SHISA6: variants seen among roughly 807,000 people sequenced by gnomAD.
SHISA6 encodes the protein protein shisa-6.
Under a neutral mutation model 47.9 loss-of-function variants are expected in SHISA6, and 22 were observed. The observed-to-expected ratio is 0.46, with a 90% CI of 0.33 to 0.66. The LOEUF (loss-of-function observed/expected upper bound fraction) is 0.66. Ranked by LOEUF, SHISA6 falls within the 30% of genes least tolerant of loss-of-function variation. The pLI, the probability that SHISA6 is intolerant of heterozygous loss-of-function variation, is 0.02. For missense variants in SHISA6, 680 were observed against 764.6 expected, an observed-to-expected ratio of 0.89 and a Z score of 1.30; for synonymous variants, 388 against 337.8, an observed-to-expected ratio of 1.15 and a Z score of -1.63.
chr17:11,256,503 A>C (rs1908012817), intron 1 of SHISA6, among the ~76,000 whole-genome samples: 1 of 152,150 alleles, frequency 6.6e-6, no homozygotes, highest in African/African-American at 2.4e-5. Context: ...CTCAAAAAAC[A>C]AAACAAAACA....
chr17:11,300,476 G>A (rs1909888067), intron 2 of SHISA6, among the ~76,000 whole-genome samples: 1 of 152,114 alleles, frequency 6.6e-6, no homozygotes, highest in Admixed American at 6.5e-5. Context: ...AGCCCTGTCA[G>A]TTGACCCGAA....
intron 3 of SHISA6, among the ~76,000 whole-genome samples, chr17:11,401,464 G>C (rs1913770194): frequency 6.6e-6 from 1 of 152,202 alleles, no homozygotes; most frequent in Non-Finnish European, 1.5e-5. Context: ...CTCCTAAAAT[G>C]CTGAGATTAT....
rs149046061 is a variant in SHISA6 at position 11,489,935 on chromosome 17, C to G, written c.896-61961C>G. 3.2e-3 allele frequency among the ~76,000 whole-genome samples: 484 copies of G among 152,300 alleles called. 1 individual carries two copies. The highest frequency in any genetic ancestry group is 0.011 in the African/African-American group (457 of 41,554). On this transcript the variant is annotated intron_variant, in intron 3 of 5. Coordinates refer to ENST00000441885, the MANE Select transcript of SHISA6 (RefSeq NM_207386.4). The stretch of plus-strand genomic sequence containing the variant: ...GCCCCAAATGTCAGTACTGCCCAGG[C>G]TGAGAAATCCTGGCTTAGGAGCATT...
chr17:11,273,937 G>A (rs758432), intron 2 of SHISA6, among the ~76,000 whole-genome samples: 145,456 of 152,304 alleles, frequency 0.96, 69,735 homozygotes, highest in East Asian at 1. Context: ...TGCCATTCAG[G>A]AAGGGAGTGC....
intron 3 of SHISA6, among the ~76,000 whole-genome samples, chr17:11,381,898 C>T (rs1386534006): frequency 6.6e-6 from 1 of 152,194 alleles, no homozygotes; most frequent in Admixed American, 6.5e-5. Context: ...ATATTTTTCT[C>T]CCCGTTCCTT....
intron 2 of SHISA6, among the ~76,000 whole-genome samples, chr17:11,339,536 G>T (rs531385794): frequency 1.5e-4 from 23 of 152,144 alleles, no homozygotes; most frequent in Non-Finnish European, 2.9e-4. Context: ...GTGGAAATTA[G>T]CAGGACTCTA....
At chr17:11,259,878 G>C (rs1193320457) in intron 1 of SHISA6, among the ~76,000 whole-genome samples, 1 of 152,158 alleles carries the variant, frequency 6.6e-6, no homozygotes, top group Non-Finnish European at 1.5e-5. Flanking sequence ...GGATGCCCGG[G>C]CTCAAGTCAG....
chr17:11,382,048 C>T (rs1913028050), intron 3 of SHISA6, among the ~76,000 whole-genome samples: 1 of 151,954 alleles, frequency 6.6e-6, no homozygotes, highest in Non-Finnish European at 1.5e-5. Flanking sequence ...TGCAGGCAGA[C>T]TTCGGAAATG....
chr17:11,510,715 T>A (rs1365739221), intron 3 of SHISA6, among the ~76,000 whole-genome samples: 1 of 152,220 alleles, frequency 6.6e-6, no homozygotes, highest in South Asian at 2.1e-4. Context: ...ACCAGCTGTC[T>A]TGGATTTGGG....
chr17:11,302,681 C>T (rs1909970927), intron 2 of SHISA6, among the ~76,000 whole-genome samples: 1 of 152,214 alleles, frequency 6.6e-6, no homozygotes, highest in Non-Finnish European at 1.5e-5. Context: ...CCGTCTTTTG[C>T]TTCCAACATT....
chr17:11,449,996 T>A (rs1272933574), intron 3 of SHISA6, among the ~76,000 whole-genome samples: 1 of 152,228 alleles, frequency 6.6e-6, no homozygotes, highest in Non-Finnish European at 1.5e-5. Flanking sequence ...GCCATTCTCC[T>A]GCGTCAGCCT....
At chr17:11,368,877 G>A (rs535308034) in intron 2 of SHISA6, among the ~76,000 whole-genome samples, 6 of 152,118 alleles carry the variant, frequency 3.9e-5, no homozygotes, top group South Asian at 2.1e-4. Flanking sequence ...GGCTGGTCTC[G>A]AACTCCTGAC....
At chr17:11,343,315 G>C (rs1209861464) in intron 2 of SHISA6, among the ~76,000 whole-genome samples, 1 of 152,100 alleles carries the variant, frequency 6.6e-6, no homozygotes, top group African/African-American at 2.4e-5. Flanking sequence ...TAATTCCAGG[G>C]CACTTTATTA....
At chr17:11,243,546 G>A (rs1320797602) in intron 1 of SHISA6, among the ~76,000 whole-genome samples, 1 of 152,172 alleles carries the variant, frequency 6.6e-6, no homozygotes, top group Admixed American at 6.5e-5. Context: ...CCTGTGGTCA[G>A]TCTTGGCTCT....
chr17:11,536,495 A>G (rs1346006511), intron 3 of SHISA6, among the ~76,000 whole-genome samples: 1 of 152,242 alleles, frequency 6.6e-6, no homozygotes, highest in Non-Finnish European at 1.5e-5. Context: ...TGTGATGTTA[A>G]GTAGCTATGT....
intron 3 of SHISA6, among the ~76,000 whole-genome samples, chr17:11,486,768 G>A (rs1916358610): frequency 6.6e-6 from 1 of 152,160 alleles, no homozygotes; most frequent in Non-Finnish European, 1.5e-5. Flanking sequence ...CACTCCCTTT[G>A]TTGTCACCAG....
chr17:11,376,448 C>T (rs1240411456), intron 2 of SHISA6, among the ~76,000 whole-genome samples: 3 of 151,954 alleles, frequency 2.0e-5, no homozygotes, highest in Non-Finnish European at 4.4e-5. Flanking sequence ...CCTCAGCTTC[C>T]CGAGTAGCTG....
At chr17:11,430,576 C>T (rs781482391) in intron 3 of SHISA6, among the ~76,000 whole-genome samples, 5 of 152,076 alleles carry the variant, frequency 3.3e-5, no homozygotes, top group South Asian at 4.1e-4. Context: ...TCACTGAAGA[C>T]GAAGGAGAAG....
intron 3 of SHISA6, among the ~76,000 whole-genome samples, chr17:11,546,424 A>G (rs2071884395): frequency 6.6e-6 from 1 of 152,246 alleles, no homozygotes; most frequent in Non-Finnish European, 1.5e-5. Context: ...CTTTTAGCTA[A>G]TTGGACAACC....
Sources: gnomAD v4.1 joint callset for allele counts (sites outside exome capture counted in the v4.1 genomes callset) on GRCh38, gnomAD v4.1.1 for gene constraint, MANE v1.5 for transcripts, NCBI Gene and HGNC (gene_info 2026-07-23, HGNC 2026-07-21) for gene names.